Variants in C1orf52 observed in about 807,000 individuals in gnomAD.
The protein encoded by C1orf52 is chromosome 1 open reading frame 52, also known as UPF0690 protein C1orf52.
A neutral mutation model predicts 17.2 loss-of-function variants in C1orf52; 5 were observed. That is an observed-to-expected ratio of 0.29 (90% CI 0.15 to 0.61). The LOEUF (loss-of-function observed/expected upper bound fraction) is 0.61. Ranked by LOEUF, C1orf52 falls within the 20% of genes least tolerant of loss-of-function variation. The pLI, the probability that C1orf52 is intolerant of heterozygous loss-of-function variation, is 0.85. For missense variants in C1orf52, 245 were observed against 234.1 expected (o/e 1.05, Z -0.30); for synonymous variants, 110 against 88.0 (o/e 1.25, Z -1.40).
chr1:85,259,239 C>A, intron 1 of C1orf52, 119 bp downstream of exon 1: 1 of 1,263,112 alleles, frequency 7.9e-7, no homozygotes, highest in Admixed American at 2.5e-5. Context: ...GGGGGTGGTG[C>A]GGCATCCCGC....
chr1:85,258,909 G>A (rs1660017752), intron 1 of C1orf52, 187 bp from the exon 2 acceptor site: 2 of 1,426,638 alleles, frequency 1.4e-6, no homozygotes, highest in African/African-American at 1.4e-5. Flanking sequence ...TTCCCTATAT[G>A]AATAAAGCTA....
rs570378901 is a variant in C1orf52, at chr1:85,251,766, T to C, written c.*863A>G. ...ATAACCATAAAGCACAGATGACAAG[T>C]ACAGTCATCCAATCAGGAGAGGAAA... On this transcript the variant is annotated 3_prime_UTR_variant, in exon 3 of 3. Transcript: ENST00000471115. 4 of 152,274 alleles carry C rather than the reference T, an allele frequency of 2.6e-5. No individual in the cohort carries two copies. The East Asian group carries it at 7.7e-4, about 29-fold the overall frequency. The allele number at this position is 152,274 out of a possible 1,614,324, so 9.4% of individuals were successfully genotyped here.
At chr1:85,258,936 AAAG>A (rs1219341541) in intron 1 of C1orf52, 8 of 1,408,360 alleles carry the variant, frequency 5.7e-6, no homozygotes, top group African/African-American at 2.9e-5. Flanking sequence ...TTTAGTTACC[AAAG>A]AAGAATCCAG....
At chr1:85,258,955 G>A in intron 1 of C1orf52, 1 of 1,394,606 alleles carries the variant, frequency 7.2e-7, no homozygotes, top group South Asian at 1.6e-5. Flanking sequence ...TCCAGTCTCA[G>A]AGATACTACG....
chr1:85,254,670 C>A (rs920764691), intron 2 of C1orf52, among the ~76,000 whole-genome samples: 3 of 152,100 alleles, frequency 2.0e-5, no homozygotes, highest in South Asian at 2.1e-4. Context: ...GGATTACAGG[C>A]GTGAGCCACC....
At chr1:85,257,441 A>G (rs1475867218) in intron 2 of C1orf52, 1 of 717,272 alleles carries the variant, frequency 1.4e-6, no homozygotes, top group African/African-American at 1.7e-5. Context: ...GAACCATACA[A>G]TTCAGTTCTG....
intron 1 of C1orf52, chr1:85,259,029 T>G: frequency 7.8e-7 from 1 of 1,284,708 alleles, no homozygotes; most frequent in Non-Finnish European, 9.9e-7. Context: ...CGCAGGCACT[T>G]CGGCGTCAAA....
rs545265188 is a variant in C1orf52 at position 85,258,256 on chromosome 1, T to A, written c.475+268A>T. ...ATGCATCATAAATCTGACCACTGGA[T>A]GAGATATCAGATATTTTACTTTAAA... On this transcript the variant is annotated intron_variant, in intron 2 of 2. Coordinates refer to ENST00000471115, the MANE Select transcript of C1orf52 (RefSeq NM_198077.4). 5.3e-5 allele frequency among the ~76,000 whole-genome samples: 8 copies of A among 152,276 alleles called. No homozygotes were observed. The South Asian group carries it at 1.7e-3, about 32-fold the overall frequency.
chr1:85,257,381 G>T (rs1357932602), intron 2 of C1orf52: 1 of 684,038 alleles, frequency 1.5e-6, no homozygotes, highest in African/African-American at 1.8e-5. Flanking sequence ...ACTAGCCAGA[G>T]ATAAGAAAGA....
chr1:85,259,174 C>G, intron 1 of C1orf52, 184 bp downstream of exon 1: 1 of 1,130,488 alleles, frequency 8.8e-7, no homozygotes, highest in African/African-American at 1.6e-5. Context: ...CGGGTCCGGT[C>G]TAACACCCAC....
chr1:85,258,730 GC>G lies in C1orf52; in HGVS notation c.277-9del. 1 of 1,598,106 alleles carries G rather than the reference GC, an allele frequency of 6.3e-7. No homozygotes were observed. The highest frequency in any genetic ancestry group is 8.5e-7 in the Non-Finnish European group (1 of 1,175,540). ...TTTGAATTCCTTTGGAGGCTGTTAA[GC>G]AAGCACATTAAGAAGCACTGTGACG... On this transcript the variant is annotated splice_polypyrimidine_tract_variant and intron_variant, in intron 1 of 2. Transcript: ENST00000471115.
At chr1:85,255,564 AC>A (rs1222223512) in intron 2 of C1orf52, among the ~76,000 whole-genome samples, 1 of 143,980 alleles carries the variant, frequency 6.9e-6, no homozygotes, top group African/African-American at 2.6e-5. Flanking sequence ...AAAAAAAAAA[AC>A]CCGAAGGGCT....
chr1:85,255,596 G>C (rs1016148389), intron 2 of C1orf52, among the ~76,000 whole-genome samples: 1 of 151,004 alleles, frequency 6.6e-6, no homozygotes, highest in Non-Finnish European at 1.5e-5. Flanking sequence ...AAGACCCAAT[G>C]ATGAGTTCTG....
chr1:85,257,444 C>A (rs1659970468), intron 2 of C1orf52: 1 of 717,096 alleles, frequency 1.4e-6, no homozygotes, highest in Non-Finnish European at 2.6e-6. Context: ...CCATACAATT[C>A]AGTTCTGGAT....
chr1:85,254,014 G>T (rs1659865591), intron 2 of C1orf52, among the ~76,000 whole-genome samples: 1 of 152,010 alleles, frequency 6.6e-6, no homozygotes. Context: ...TCTTGATATT[G>T]AAAGGAGCCT....
chr1:85,256,688 G>A (rs878929631), intron 2 of C1orf52, among the ~76,000 whole-genome samples: 2 of 151,396 alleles, frequency 1.3e-5, no homozygotes, highest in African/African-American at 4.9e-5. Flanking sequence ...AGTCCCAGCT[G>A]CTTGGGAGGC....
At chr1:85,258,813 G>C (rs979039296) in intron 1 of C1orf52, 91 bp from the exon 2 acceptor site, 18 of 1,414,918 alleles carry the variant, frequency 1.3e-5, no homozygotes, top group Non-Finnish European at 1.7e-5. Flanking sequence ...TTCGCTTATC[G>C]TTCAGGCTGA....
In C1orf52 at chr1:85,259,594, C is replaced by T. The variant is rs577415023; in HGVS notation, c.40G>A (p.Ala14Thr). ...EEKDPLSYFA[A>T]YGSSSSGSSD... ...GAGCCTGAGCTGCTGCTCCCGTATG[C>T]CGCAAAATAGCTCAGAGGGTCCTTC... is the stretch of plus-strand genomic sequence containing the variant. The change falls in exon 1 of 3, where the codon GCA becomes ACA. Residue 14 changes from alanine (A) to threonine (T), a missense_variant. By Grantham distance (58) the Ala-to-Thr change is moderately conservative. Transcript: ENST00000471115. 1.3e-5 allele frequency: 20 copies of T among 1,590,218 alleles called. No individual in the cohort carries two copies. The South Asian group carries it at 1.6e-4, about 13-fold the overall frequency.
At position 85,251,511 on chromosome 1, in the gene C1orf52, T is replaced by A. The variant is rs1156840764; in HGVS notation, c.*1118A>T. On this transcript the variant is annotated 3_prime_UTR_variant, in exon 3 of 3. Transcript: ENST00000471115. ...CAACGATCACACCTTCCCAACTACT[T>A]CTTGTTCATTTTATTATTACTATAC... 1 of 152,212 alleles carries A rather than the reference T, an allele frequency of 6.6e-6. No individual in the cohort carries two copies. Among genetic ancestry groups the A allele is most frequent in the Non-Finnish European group, 1.5e-5 (1 of 68,032 alleles). 9.4% of individuals were successfully genotyped at this position (152,212 alleles called of 1,614,324 possible).
Sources: gnomAD v4.1 joint callset for allele counts (sites outside exome capture counted in the v4.1 genomes callset) on GRCh38, gnomAD v4.1.1 for gene constraint, MANE v1.5 for transcripts, NCBI Gene and HGNC (gene_info 2026-07-23, HGNC 2026-07-21) for gene names.